The following ALPK2 variants were observed in gnomAD, a reference collection of about 807,000 sequenced individuals.
ALPK2 encodes the protein alpha-protein kinase 2.
A neutral mutation model predicts 163.1 loss-of-function variants in ALPK2; 127 were observed. The ratio of observed to expected loss-of-function variants is 0.78; its 90% CI spans 0.67 to 0.90. The LOEUF is 0.90. ALPK2 is among the 40% of genes least tolerant of loss of function. ALPK2 has a pLI of 0.00. For synonymous variants in ALPK2, 953 were observed against 959.1 expected, an observed-to-expected ratio of 0.99 and a Z score of 0.12; for missense variants, 2,360 against 2,589.6, an observed-to-expected ratio of 0.91 and a Z score of 1.92.
intron 4 of ALPK2, among the ~76,000 whole-genome samples, chr18:58,548,369 A>G (rs905193937): frequency 6.6e-5 from 10 of 150,694 alleles, no homozygotes; most frequent in Non-Finnish European, 1.3e-4. Context: ...TATGTTGTCC[A>G]TATCACAGTG....
At position 58,536,881 on chromosome 18, in the gene ALPK2, C is replaced by A; in HGVS notation, c.3306G>T (p.Gln1102His). Residue 1102 changes from glutamine (Q) to histidine (H), a missense_variant, in exon 5 of 13, where the codon CAG becomes CAT. Transcript: ENST00000361673. ...TCTTATCTCCAGACAGGTTATCAAC[C>A]TGAAGAGGGGAATTACTGCAGAAAC... ...GEGFCSNSPL[Q>H]VDNLSGDKSQ... is the part of the protein sequence containing the mutation. 1 of 1,614,192 alleles carries A rather than the reference C, an allele frequency of 6.2e-7. No homozygotes were observed.
At chr18:58,527,184 CTT>C (rs932963810) in intron 6 of ALPK2, among the ~76,000 whole-genome samples, 24 of 151,822 alleles carry the variant, frequency 1.6e-4, no homozygotes, top group African/African-American at 5.8e-4. Context: ...GATTTCAACT[CTT>C]TGAAAATGAT....
At chr18:58,567,526 G>C (rs2051862362) in intron 4 of ALPK2, among the ~76,000 whole-genome samples, 1 of 152,138 alleles carries the variant, frequency 6.6e-6, no homozygotes, top group South Asian at 2.1e-4. Context: ...GGGACTCCAA[G>C]CAGAGTAGAA....
chr18:58,523,689 T>G, intron 8 of ALPK2, 117 bp downstream of exon 8: 1 of 1,298,970 alleles, frequency 7.7e-7, no homozygotes, highest in Non-Finnish European at 1.1e-6. Context: ...ACGCCATAGC[T>G]CTCCTTCTCG....
At chr18:58,583,710 C>G (rs902633473) in intron 3 of ALPK2, among the ~76,000 whole-genome samples, 4 of 149,470 alleles carry the variant, frequency 2.7e-5, no homozygotes, top group Non-Finnish European at 5.9e-5. Flanking sequence ...GCTACTCCAG[C>G]CTGGATGGCA....
At chr18:58,606,421 G>C (rs2052097919) in intron 3 of ALPK2, among the ~76,000 whole-genome samples, 1 of 152,124 alleles carries the variant, frequency 6.6e-6, no homozygotes, top group South Asian at 2.1e-4. Context: ...AGATAAGAAA[G>C]CTTTTGTGTT....
intron 4 of ALPK2, among the ~76,000 whole-genome samples, chr18:58,557,646 G>A (rs1406598128): frequency 6.9e-6 from 1 of 145,652 alleles, no homozygotes; most frequent in Non-Finnish European, 1.5e-5. Flanking sequence ...TAGTGTGTGT[G>A]TATATATATA....
At position 58,579,629 on chromosome 18, in the gene ALPK2, A is replaced by G; in HGVS notation, c.1147T>C (p.Cys383Arg). 6.2e-7 allele frequency: 1 copy of G among 1,613,974 alleles called. No homozygotes were observed. The highest frequency in any genetic ancestry group is 8.5e-7 in the Non-Finnish European group (1 of 1,179,982). Residue 383 changes from cysteine to arginine, a missense_variant, in exon 4 of 13, where the codon TGT (cysteine) becomes CGT (arginine). Physicochemically the swap from Cys to Arg is radical, Grantham distance 180. Coordinates refer to ENST00000361673, the MANE Select transcript of ALPK2 (RefSeq NM_052947.4). ...GCEHFLSGMG[C>R]GSRVSGDAGP... ...GCGTCACCCGACACCCGAGACCCAC[A>G]ACCCATTCCACTGAGGAAATGCTCA...
chr18:58,555,408 C>G (rs576634907), intron 4 of ALPK2, among the ~76,000 whole-genome samples: 3 of 152,144 alleles, frequency 2.0e-5, no homozygotes, highest in African/African-American at 7.2e-5. Context: ...TGGTTATTAT[C>G]CTGATTTTCT....
intron 4 of ALPK2, among the ~76,000 whole-genome samples, chr18:58,572,328 A>T (rs2051890072): frequency 6.6e-6 from 1 of 152,222 alleles, no homozygotes; most frequent in African/African-American, 2.4e-5. Flanking sequence ...ATCTCTGGAA[A>T]ACAGCTGGAC....
chr18:58,482,053 T>C lies in ALPK2; in HGVS notation c.6297-14A>G. The C allele has an allele frequency of 1.9e-6, 3 of 1,601,780 alleles. No homozygotes were observed. The highest frequency in any genetic ancestry group is 2.6e-6 in the Non-Finnish European group (3 of 1,169,494). On this transcript the variant is annotated splice_polypyrimidine_tract_variant and intron_variant, in intron 12 of 12. Coordinates refer to ENST00000361673, the MANE Select transcript of ALPK2 (RefSeq NM_052947.4). ...AATCCCTTGTACCTGTGAGTTTGGG[T>C]GGAAGGAAACATAGCTTTTAAAAAC...
At position 58,515,073 on chromosome 18, in the gene ALPK2, A is replaced by G. The variant is rs764033506; in HGVS notation, c.5949T>C (p.Tyr1983=). 1.5e-5 allele frequency: 24 copies of G among 1,611,326 alleles called. No individual in the cohort carries two copies. In the East Asian group the frequency reaches 5.1e-4, roughly 35 times the overall value. ...CATAATACCTGGCAGTATTTTGAAC[A>G]TAGCATTCCTATATCGCCAAAATAC... The part of the protein sequence containing the change: ...RNYKLAAQEC[Y]VQNTARYYAK... The change falls in exon 10 of 13, where the codon TAT becomes TAC. Residue 1983 remains tyrosine (Y), a synonymous_variant. Transcript: ENST00000361673.
At chr18:58,544,495 A>G (rs1332995223) in intron 4 of ALPK2, 2 of 152,232 alleles carry the variant, frequency 1.3e-5, no homozygotes, top group African/African-American at 4.8e-5. Flanking sequence ...CTCTCCTCAA[A>G]TAGCTTATAA....
rs2051599592 is a variant in ALPK2 at position 58,529,216 on chromosome 18, G to A, written c.5376C>T (p.Ile1792=). The change falls in exon 6 of 13, where the codon ATC becomes ATT. Residue 1792 remains isoleucine, a synonymous_variant. Coordinates refer to ENST00000361673, the MANE Select transcript of ALPK2 (RefSeq NM_052947.4). The stretch of plus-strand genomic sequence containing the variant: ...AGTGTTCAGGGAACATCTCAGCTTG[G>A]ATCTTTTTCAGTAATACTGGAGCTA... ...EGRAPVLLKK[I]QAEMFPEHSG... is the part of the protein sequence containing the mutation. 1 of 1,612,738 alleles carries A rather than the reference G, an allele frequency of 6.2e-7. No homozygotes were observed. Among genetic ancestry groups the A allele is most frequent in the African/African-American group, 1.3e-5 (1 of 74,992 alleles).
chr18:58,534,724 C>T, intron 5 of ALPK2, 110 bp downstream of exon 5: 1 of 1,398,680 alleles, frequency 7.1e-7, no homozygotes, highest in East Asian at 2.3e-5. Flanking sequence ...CATCAATGCC[C>T]ACCTGGGGGA....
chr18:58,574,364 G>A (rs946320572), intron 4 of ALPK2, among the ~76,000 whole-genome samples: 5 of 146,254 alleles, frequency 3.4e-5, no homozygotes, highest in South Asian at 4.3e-4. Context: ...CAGGAGAACC[G>A]CTTGAACCCA....
At chr18:58,492,562 G>A (rs930387565) in intron 12 of ALPK2, among the ~76,000 whole-genome samples, 7 of 152,080 alleles carry the variant, frequency 4.6e-5, no homozygotes, top group Non-Finnish European at 7.4e-5. Flanking sequence ...TACCTGCCTC[G>A]TGCTTCTGTC....
intron 11 of ALPK2, among the ~76,000 whole-genome samples, chr18:58,503,644 A>T (rs1046515147): frequency 6.6e-6 from 1 of 152,196 alleles, no homozygotes; most frequent in Non-Finnish European, 1.5e-5. Flanking sequence ...GGCTGCAGTA[A>T]GCTATGATCG....
intron 1 of ALPK2, among the ~76,000 whole-genome samples, chr18:58,619,329 G>A (rs1032230781): frequency 1.3e-5 from 2 of 150,564 alleles, no homozygotes; most frequent in South Asian, 2.1e-4. Flanking sequence ...AAAGGTTGGT[G>A]TAAGAAGCAT....
Sources: allele counts gnomAD v4.1 joint callset (sites outside exome capture counted in the v4.1 genomes callset), GRCh38; gene constraint gnomAD v4.1.1; transcripts MANE v1.5; gene names NCBI Gene and HGNC (gene_info 2026-07-23, HGNC 2026-07-21).